Variants in STAMBPL1 observed in about 807,000 individuals in gnomAD.
STAMBPL1 encodes STAM binding protein like 1.
A neutral mutation model predicts 52.9 loss-of-function variants in STAMBPL1; 44 were observed. The observed-to-expected ratio is 0.83, with a 90% CI of 0.65 to 1.07. The LOEUF is 1.07. Ranked by LOEUF, STAMBPL1 falls within the 50% of genes least tolerant of loss-of-function variation. STAMBPL1 has a pLI of 0.00. For missense variants in STAMBPL1, 511 were observed against 520.8 expected (o/e 0.98, Z 0.18); for synonymous variants, 164 against 177.3 (o/e 0.92, Z 0.60).
intron 3 of STAMBPL1, 45 bp downstream of exon 3, chr10:88,905,705 T>A (rs183388542): frequency 1.8e-4 from 267 of 1,476,674 alleles, no homozygotes; most frequent in Non-Finnish European, 2.4e-4. Context: ...TGGAAAAATA[T>A]TTACATAGTT....
At chr10:88,908,798 C>T (rs760561106) in intron 4 of STAMBPL1, 21 bp downstream of exon 4, 3 of 1,579,338 alleles carry the variant, frequency 1.9e-6, no homozygotes, top group South Asian at 2.3e-5. Flanking sequence ...TTTTCTTCTC[C>T]ACTGTGGAAT....
chr10:88,916,210 G>T (rs1845365725), intron 7 of STAMBPL1, among the ~76,000 whole-genome samples: 1 of 152,054 alleles, frequency 6.6e-6, no homozygotes, highest in South Asian at 2.1e-4. Context: ...AATATAATTA[G>T]TAAAACAGAA....
chr10:88,880,829 G>C (rs1342494673), intron 1 of STAMBPL1, among the ~76,000 whole-genome samples, 191 bp downstream of exon 1: 5 of 152,202 alleles, frequency 3.3e-5, no homozygotes, highest in African/African-American at 9.7e-5. Flanking sequence ...TCATGCAATC[G>C]GCCGCCTCCA....
intron 1 of STAMBPL1, among the ~76,000 whole-genome samples, chr10:88,897,499 C>G (rs1844840861): frequency 6.6e-6 from 1 of 152,238 alleles, no homozygotes; most frequent in East Asian, 1.9e-4. Context: ...GAAGAGATAT[C>G]TTAGAGGTTA....
At chr10:88,916,536 A>G (rs1349584414) in intron 7 of STAMBPL1, 144 bp from the exon 8 acceptor site, 2 of 385,268 alleles carry the variant, frequency 5.2e-6, no homozygotes, top group Non-Finnish European at 8.4e-6. Context: ...GTCCAGGTAC[A>G]GGGAGGGATG....
chr10:88,914,507 G>A, intron 6 of STAMBPL1, 27 bp from the exon 7 acceptor site: 1 of 1,460,722 alleles, frequency 6.8e-7, no homozygotes, highest in Admixed American at 2.4e-5. Flanking sequence ...TTGTTTTTTA[G>A]CCTTTTCTCC....
intron 8 of STAMBPL1, among the ~76,000 whole-genome samples, chr10:88,917,847 C>T (rs1845408539): frequency 6.6e-6 from 1 of 152,126 alleles, no homozygotes; most frequent in Non-Finnish European, 1.5e-5. Flanking sequence ...AAGATCAAGG[C>T]ACCAGCATTG....
chr10:88,915,932 C>T (rs1845357948), intron 7 of STAMBPL1, among the ~76,000 whole-genome samples: 1 of 152,118 alleles, frequency 6.6e-6, no homozygotes, highest in South Asian at 2.1e-4. Context: ...AGCCCTAAGG[C>T]TAGAGAGAGG....
chr10:88,922,450 A>G lies in STAMBPL1; in HGVS notation c.1254+14A>G, dbSNP rs373590975. The stretch of plus-strand genomic sequence containing the variant: ...AGGCTGTTCAGTGTGAGTACATCAT[A>G]TTAGTTATTTTTCCAGGTATTTCTT... On this transcript the variant is annotated intron_variant, in intron 10 of 10. Coordinates refer to ENST00000371926, the MANE Select transcript of STAMBPL1 (RefSeq NM_020799.4). The G allele has an allele frequency of 3.7e-6, 6 of 1,611,400 alleles. No homozygotes were observed. The African/African-American group carries it at 6.7e-5, about 18-fold the overall frequency.
intron 1 of STAMBPL1, among the ~76,000 whole-genome samples, chr10:88,893,439 G>A (rs1844735673): frequency 6.6e-6 from 1 of 152,096 alleles, no homozygotes; most frequent in Admixed American, 6.5e-5. Flanking sequence ...GAATCATTCT[G>A]CCGATGAAAA....
Position 88,922,383 on chromosome 10 carries a change from G to A in STAMBPL1, c.1201G>A (p.Ala401Thr). 6.2e-7 allele frequency: 1 copy of A among 1,613,276 alleles called. No individual in the cohort carries two copies. The highest frequency in any genetic ancestry group is 8.5e-7 in the Non-Finnish European group (1 of 1,179,630). The change falls in exon 10 of 11, where the codon GCT becomes ACT. Residue 401 changes from alanine (A) to threonine (T), a missense_variant. This residue lies in a region of STAMBPL1 where 137 missense variants were observed against 139.9 expected (regional missense o/e 0.98). Transcript: ENST00000371926. ...LTNAGMLEVS[A>T]CKKKGFHPHT... ...CAATGCTGGCATGCTTGAGGTTTCT[G>A]CTTGTAAAAAAAAGGGCTTTCATCC...
intron 7 of STAMBPL1, among the ~76,000 whole-genome samples, chr10:88,915,280 A>G (rs1845340433): frequency 6.6e-6 from 1 of 152,184 alleles, no homozygotes; most frequent in Admixed American, 6.6e-5. Flanking sequence ...GTGTCCTTTC[A>G]TAGTCTGTTT....
chr10:88,914,416 C>A, intron 6 of STAMBPL1, 118 bp from the exon 7 acceptor site: 1 of 677,176 alleles, frequency 1.5e-6, no homozygotes, highest in Non-Finnish European at 2.2e-6. Context: ...GAAAGTGGAA[C>A]ACCTGATACT....
At chr10:88,884,298 A>G (rs57063754) in intron 1 of STAMBPL1, among the ~76,000 whole-genome samples, 12,481 of 152,228 alleles carry the variant, frequency 0.082, 1,147 homozygotes, top group African/African-American at 0.22. Context: ...GTAGGCTCTT[A>G]AGCACTTGAA....
chr10:88,888,229 G>GC (rs1694090618), intron 1 of STAMBPL1, among the ~76,000 whole-genome samples: 1 of 152,148 alleles, frequency 6.6e-6, no homozygotes, highest in Non-Finnish European at 1.5e-5. Context: ...ACAGAGAAGG[G>GC]GAAAGGCTCA....
At chr10:88,894,585 C>T (rs1200336446) in intron 1 of STAMBPL1, among the ~76,000 whole-genome samples, 2 of 152,156 alleles carry the variant, frequency 1.3e-5, no homozygotes, top group East Asian at 3.9e-4. Flanking sequence ...TACTTTCATT[C>T]TGTAAATAAT....
intron 4 of STAMBPL1, among the ~76,000 whole-genome samples, chr10:88,910,260 C>A (rs1053900669): frequency 3.3e-5 from 5 of 152,060 alleles, no homozygotes; most frequent in African/African-American, 1.2e-4. Flanking sequence ...TGCATAATAC[C>A]GAACAGGACT....
chr10:88,914,530 T>A lies in STAMBPL1; in HGVS notation c.779-4T>A. The A allele has an allele frequency of 6.7e-7, 1 of 1,483,918 alleles. No homozygotes were observed. Among genetic ancestry groups the A allele is most frequent in the South Asian group, 1.4e-5 (1 of 69,058 alleles). 91.9% of individuals were successfully genotyped at this position (1,483,918 alleles called of 1,614,324 possible). On this transcript the variant is annotated splice_region_variant and splice_polypyrimidine_tract_variant and intron_variant, in intron 6 of 10. Coordinates refer to ENST00000371926, the MANE Select transcript of STAMBPL1 (RefSeq NM_020799.4). ...TAGCCTTTTCTCCCTTTTTTGTTTC[T>A]TAGATTTAGTGGTTGAAGGACTGCG...
chr10:88,886,071 A>G (rs1844523804), intron 1 of STAMBPL1, among the ~76,000 whole-genome samples: 3 of 152,272 alleles, frequency 2.0e-5, no homozygotes, highest in Admixed American at 6.5e-5. Flanking sequence ...TACACAAAAC[A>G]AAAACAAAAT....
Sources: allele counts gnomAD v4.1 joint callset (sites outside exome capture counted in the v4.1 genomes callset), GRCh38; gene constraint gnomAD v4.1.1; regional missense constraint gnomAD v4.1.1; transcripts MANE v1.5; gene names NCBI Gene and HGNC (gene_info 2026-07-23, HGNC 2026-07-21).